Variants in RSRP1 observed in about 807,000 individuals in gnomAD.
RSRP1 encodes the protein arginine/serine-rich protein 1.
RSRP1 carries 37 observed loss-of-function variants against 33.0 expected under a neutral mutation model. The ratio of observed to expected loss-of-function variants is 1.12; its 90% CI spans 0.86 to 1.48. RSRP1 has a LOEUF of 1.48. Ranked by LOEUF, RSRP1 falls within the 40% of genes most tolerant of loss-of-function variation. RSRP1 has a pLI of 0.00. For synonymous variants in RSRP1, 167 were observed against 158.7 expected (o/e 1.05, Z -0.40); for missense variants, 402 against 385.3 (o/e 1.04, Z -0.36).
chr1:25,282,659 T>C (rs1247950521), intron 1 of RSRP1, among the ~76,000 whole-genome samples: 1 of 132,154 alleles, frequency 7.6e-6, no homozygotes, highest in Non-Finnish European at 1.8e-5. Flanking sequence ...GCACGATGGC[T>C]CATGCCTGTA....
intron 1 of RSRP1, among the ~76,000 whole-genome samples, chr1:25,285,058 T>A (rs901845076): frequency 7.4e-6 from 1 of 134,722 alleles, no homozygotes; most frequent in African/African-American, 2.6e-5. Flanking sequence ...ATAATCAATA[T>A]AAGTTTATGG....
chr1:25,252,619 C>G (rs962682433), intron 1 of RSRP1, among the ~76,000 whole-genome samples: 3 of 151,876 alleles, frequency 2.0e-5, no homozygotes, highest in Non-Finnish European at 2.9e-5. Flanking sequence ...CTGCAACCTC[C>G]GCCTCCTGGG....
intron 2 of RSRP1, among the ~76,000 whole-genome samples, chr1:25,245,780 T>C (rs1639327300): frequency 6.6e-6 from 1 of 152,234 alleles, no homozygotes; most frequent in Non-Finnish European, 1.5e-5. Flanking sequence ...CTAATAGTGA[T>C]ATTATTTTGC....
intron 1 of RSRP1, among the ~76,000 whole-genome samples, chr1:25,323,582 C>G (rs1644829205): frequency 8.0e-6 from 1 of 125,110 alleles, no homozygotes; most frequent in Admixed American, 8.0e-5. Context: ...CCCTCAGCCT[C>G]CTGAGTAGCT....
chr1:25,301,574 G>A (rs374920252), intron 1 of RSRP1: 1 of 1,379,866 alleles, frequency 7.2e-7, no homozygotes, highest in East Asian at 2.2e-5. Context: ...CTGCTGAGAA[G>A]TCCAATCGAA....
At chr1:25,283,894 C>T (rs1353422720) in intron 1 of RSRP1, among the ~76,000 whole-genome samples, 2 of 134,108 alleles carry the variant, frequency 1.5e-5, no homozygotes, top group Non-Finnish European at 3.5e-5. Flanking sequence ...TGCTGGGCCC[C>T]TCCCTGCCCT....
chr1:25,251,635 C>G (rs1639784230), upstream of RSRP1, among the ~76,000 whole-genome samples: 1 of 152,162 alleles, frequency 6.6e-6, no homozygotes, highest in African/African-American at 2.4e-5. Flanking sequence ...TCCCAAAGTG[C>G]TGGGATTACA....
At chr1:25,331,839 A>C (rs1645016915) in intron 1 of RSRP1, among the ~76,000 whole-genome samples, 1 of 118,342 alleles carries the variant, frequency 8.5e-6, no homozygotes, top group Non-Finnish European at 1.9e-5. Flanking sequence ...TCCCGGGTTC[A>C]CGCCATTCTC....
chr1:25,315,163 A>T lies in RSRP1; in HGVS notation c.-67+22815T>A, dbSNP rs1234688979. Among the ~76,000 whole-genome samples the T allele has an allele frequency of 3.1e-5, 4 of 129,290 alleles. 1 individual carries two copies. The highest frequency in any genetic ancestry group is 4.7e-4 in the South Asian group (2 of 4,236). 84.8% of individuals were successfully genotyped at this position (129,290 alleles called of 152,430 possible). On this transcript the variant is annotated intron_variant, in intron 1 of 1. Transcript: ENST00000561867. Reference sequence around the variant, plus strand: ...CAGCAAGACTCCATCTCAAAAAAAAATTTTTTTTGCAAGGTCATGCATATG... The same window carrying T: ...CAGCAAGACTCCATCTCAAAAAAAATTTTTTTTTGCAAGGTCATGCATATG...
At chr1:25,263,338 G>A (rs370070498) in intron 1 of RSRP1, among the ~76,000 whole-genome samples, 4 of 151,824 alleles carry the variant, frequency 2.6e-5, no homozygotes, top group African/African-American at 4.9e-5. Context: ...TCACAAACCC[G>A]AGACTAGGCA....
intron 1 of RSRP1, among the ~76,000 whole-genome samples, chr1:25,264,268 C>A (rs1557501648): frequency 6.6e-6 from 1 of 152,034 alleles, no homozygotes; most frequent in African/African-American, 2.4e-5. Flanking sequence ...CTGCACTGCC[C>A]TGGCAGAGGA....
Position 25,307,772 on chromosome 1 carries a change from C to T in RSRP1, c.-67+30206G>A, listed in dbSNP as rs1333746082. 1.2e-5 allele frequency: 15 copies of T among 1,301,830 alleles called. 3 individuals carry two copies. The South Asian group carries it at 1.4e-4, about 12-fold the overall frequency. The allele number at this position is 1,301,830 out of a possible 1,614,324, so 80.6% of individuals were successfully genotyped here. A position where few individuals can be genotyped will look rare whatever the true frequency, so the allele number is the denominator to read the frequency against. On this transcript the variant is annotated intron_variant, in intron 1 of 1. Coordinates refer to the RSRP1 transcript ENST00000561867. ...CCTACCGGTTCTTGGATGCCTTCTA[C>T]AGAGACAACCATAGCCCCAAATTAT...
intron 1 of RSRP1, among the ~76,000 whole-genome samples, chr1:25,278,989 G>A (rs533015061): frequency 7.7e-6 from 1 of 129,118 alleles, no homozygotes; most frequent in Non-Finnish European, 1.8e-5. Flanking sequence ...GAAGCTGGGT[G>A]TGACTTCAGA....
At chr1:25,322,253 A>G (rs2124157058) in intron 1 of RSRP1, among the ~76,000 whole-genome samples, 2 of 132,706 alleles carry the variant, frequency 1.5e-5, no homozygotes, top group Non-Finnish European at 3.6e-5. Context: ...TGCAGTCCTC[A>G]GCGTAGCCAA....
chr1:25,322,660 G>A (rs1644780941), intron 1 of RSRP1, among the ~76,000 whole-genome samples: 1 of 127,676 alleles, frequency 7.8e-6, no homozygotes, highest in Non-Finnish European at 1.9e-5. Context: ...GTGACAGAGC[G>A]AGACTTTGCC....
chr1:25,286,959 G>A lies in RSRP1; in HGVS notation c.-66-39930C>T, dbSNP rs1371052150. 5.2e-5 allele frequency among the ~76,000 whole-genome samples: 7 copies of A among 133,596 alleles called. 1 individual carries two copies. Among genetic ancestry groups the A allele is most frequent in the South Asian group, 2.2e-4 (1 of 4,510 alleles). The allele number at this position is 133,596 out of a possible 152,430, so 87.6% of individuals were successfully genotyped here. A position where few individuals can be genotyped will look rare whatever the true frequency, so the allele number is the denominator to read the frequency against. On this transcript the variant is annotated intron_variant, in intron 1 of 1. Coordinates refer to the RSRP1 transcript ENST00000561867. ...AACACAAAAATTAGCTGGGTGTGGCGGCAGGCACCTGTAATCCCAGCTACT... is the reference window on the plus strand; with the variant it reads ...AACACAAAAATTAGCTGGGTGTGGCAGCAGGCACCTGTAATCCCAGCTACT...
intron 1 of RSRP1, among the ~76,000 whole-genome samples, chr1:25,316,288 A>T (rs2124094448): frequency 7.7e-6 from 1 of 129,632 alleles, no homozygotes; most frequent in South Asian, 2.4e-4. Context: ...ACCTTGCCCC[A>T]AGAGAAATAG....
Position 25,281,107 on chromosome 1 carries a change from A to G in RSRP1, c.-66-34078T>C, listed in dbSNP as rs540352524. Among the ~76,000 whole-genome samples the G allele has an allele frequency of 7.0e-4, 93 of 132,742 alleles. 7 individuals are homozygous for G. The highest frequency in any genetic ancestry group is 1.7e-3 in the African/African-American group (65 of 38,728). The allele number at this position is 132,742 out of a possible 152,430, so 87.1% of individuals were successfully genotyped here. Reference sequence around the variant, plus strand: ...GAGGGTAATGGACTTGCCTAAGATCACTTAGTGAGGTGAGAGAAGAAAGAG... The same window carrying G: ...GAGGGTAATGGACTTGCCTAAGATCGCTTAGTGAGGTGAGAGAAGAAAGAG... On this transcript the variant is annotated intron_variant, in intron 1 of 1. Transcript: ENST00000561867.
chr1:25,283,535 TA>T lies in RSRP1; in HGVS notation c.-66-36507del, dbSNP rs143319928. Among the ~76,000 whole-genome samples the T allele has an allele frequency of 2.6e-4, 28 of 109,160 alleles. 1 individual carries two copies. Among genetic ancestry groups the T allele is most frequent in the East Asian group, 4.3e-4 (2 of 4,640 alleles). The allele number at this position is 109,160 out of a possible 152,430, so 71.6% of individuals were successfully genotyped here. On this transcript the variant is annotated intron_variant, in intron 1 of 1. Coordinates refer to the RSRP1 transcript ENST00000561867. The stretch of plus-strand genomic sequence containing the variant: ...GACGAGTGAAACTCTATCTCGATAT[TA>T]AAAAAAAAAATCTTAGCTCTACCCA...
Sources: gnomAD v4.1 joint callset for allele counts (sites outside exome capture counted in the v4.1 genomes callset) on GRCh38, gnomAD v4.1.1 for gene constraint, MANE v1.5 for transcripts, NCBI Gene and HGNC (gene_info 2026-07-23, HGNC 2026-07-21) for gene names.